Variants in OTOF observed in about 807,000 individuals in gnomAD.
OTOF encodes the protein otoferlin, also known as fer-1-like family member 2.
In OTOF, 218 loss-of-function variants were observed where a neutral mutation model predicts 236.8. The observed-to-expected ratio is 0.92, with a 90% CI of 0.82 to 1.03. OTOF has a LOEUF of 1.03. Among genes scored for constraint, OTOF ranks in the 50% least tolerant of loss-of-function variants. OTOF has a pLI of 0.00. For synonymous variants in OTOF, 1,041 were observed against 1,072.5 expected, an observed-to-expected ratio of 0.97 and a Z score of 0.57; for missense variants, 2,590 against 2,694.4, an observed-to-expected ratio of 0.96 and a Z score of 0.86.
At chr2:26,480,096 A>G (rs1665490208) in intron 16 of OTOF, 107 bp downstream of exon 16, 1 of 764,344 alleles carries the variant, frequency 1.3e-6, no homozygotes, top group Non-Finnish European at 2.4e-6. Flanking sequence ...GAGTGAGGAC[A>G]GGGCTGAGGT....
At position 26,493,536 on chromosome 2, in the gene OTOF, C is replaced by T. The variant is rs138123803; in HGVS notation, c.897+1406G>A. 1.6e-4 allele frequency among the ~76,000 whole-genome samples: 24 copies of T among 152,298 alleles called. No individual in the cohort carries two copies. The East Asian group carries it at 4.6e-3, about 29-fold the overall frequency. ...TGTGTGATCAGGCATCTGGGAAAGG[C>T]CTGGGCATCCTGGTGAGAAAACATT... On this transcript the variant is annotated intron_variant, in intron 9 of 46. Coordinates refer to ENST00000272371, the MANE Select transcript of OTOF (RefSeq NM_194248.3).
At chr2:26,536,020 G>A (rs967348770) in intron 2 of OTOF, among the ~76,000 whole-genome samples, 4 of 152,212 alleles carry the variant, frequency 2.6e-5, no homozygotes, top group Non-Finnish European at 5.9e-5. Context: ...GGAGTCAGAT[G>A]CTGTGCCTGG....
chr2:26,491,326 G>A (rs979369275), intron 9 of OTOF, among the ~76,000 whole-genome samples: 1 of 152,142 alleles, frequency 6.6e-6, no homozygotes, highest in African/African-American at 2.4e-5. Flanking sequence ...GGTGACTGGG[G>A]GGAGGAAGTG....
intron 8 of OTOF, among the ~76,000 whole-genome samples, chr2:26,498,564 A>C (rs1666044276): frequency 6.6e-6 from 1 of 152,210 alleles, no homozygotes; most frequent in South Asian, 2.1e-4. Context: ...TCCAGGGTGG[A>C]AGATGAAGAG....
At chr2:26,480,060 G>A (rs536782654) in intron 16 of OTOF, 143 bp downstream of exon 16, 1 of 687,874 alleles carries the variant, frequency 1.5e-6, no homozygotes, top group Non-Finnish European at 2.6e-6. Flanking sequence ...GGCCTCTCAG[G>A]GGAAAGGGGT....
At chr2:26,535,285 C>A (rs1667043098) in intron 2 of OTOF, among the ~76,000 whole-genome samples, 1 of 152,192 alleles carries the variant, frequency 6.6e-6, no homozygotes, top group South Asian at 2.1e-4. Flanking sequence ...CCGCTTCCAG[C>A]TCTGTCACCT....
chr2:26,467,320 T>C, intron 34 of OTOF, 45 bp downstream of exon 34: 1 of 1,613,532 alleles, frequency 6.2e-7, no homozygotes, highest in Non-Finnish European at 8.5e-7. Context: ...GCCCCCCTCT[T>C]CCCGCCCCCA....
In OTOF at chr2:26,487,790, G is replaced by A. The variant is rs539964718; in HGVS notation, c.1045+1421C>T. 5.9e-5 allele frequency among the ~76,000 whole-genome samples: 9 copies of A among 152,328 alleles called. No individual in the cohort carries two copies. The South Asian group carries it at 6.2e-4, about 11-fold the overall frequency. On this transcript the variant is annotated intron_variant, in intron 11 of 46. Transcript: ENST00000272371. ...CAGTCATTCCAAGCAAGTAGTCCACGGCTATGCATGCTTCCTGGAAAGCAA... is the reference window on the plus strand; with the variant it reads ...CAGTCATTCCAAGCAAGTAGTCCACAGCTATGCATGCTTCCTGGAAAGCAA...
At position 26,552,438 on chromosome 2, in the gene OTOF, G is replaced by A. The variant is rs73923720; in HGVS notation, c.79+6055C>T. Among the ~76,000 whole-genome samples, 1,416 of 152,198 alleles carry A rather than the reference G, an allele frequency of 9.3e-3. 19 individuals carry two copies. The highest frequency in any genetic ancestry group is 0.032 in the African/African-American group (1,330 of 41,516). On this transcript the variant is annotated intron_variant, in intron 1 of 46. Transcript: ENST00000272371. The stretch of plus-strand genomic sequence containing the variant: ...CGAGAGATGTGGCTTTCACATGATC[G>A]GTAAAAGTGGCTAAGATAACCAAGA...
intron 2 of OTOF, 25 bp from the exon 3 acceptor site, chr2:26,527,945 C>G: frequency 6.4e-7 from 1 of 1,571,992 alleles, no homozygotes; most frequent in East Asian, 2.2e-5. Flanking sequence ...ACAACTGCGG[C>G]TTCGGTGGCA....
chr2:26,480,259 G>A lies in OTOF; in HGVS notation c.1856C>T (p.Ala619Val). Reference protein sequence around the residue: ...EFFLFGAFLEASMIDRRNGDK... With the variant: ...EFFLFGAFLEVSMIDRRNGDK... ...TCCGTTTCTCCGGTCGATCATTGAG[G>A]CCTCCAGGAAGGCTCCAAAGAGAAA... The change falls in exon 16 of 47, where the codon GCC (alanine) becomes GTC (valine). Residue 619 changes from alanine (A) to valine (V), a missense_variant. This residue lies in a region of OTOF where 1,379 missense variants were observed against 1,341.6 expected (regional missense o/e 1.03). Coordinates refer to ENST00000272371, the MANE Select transcript of OTOF (RefSeq NM_194248.3). 6.2e-7 allele frequency: 1 copy of A among 1,613,028 alleles called. No individual in the cohort carries two copies. Among genetic ancestry groups the A allele is most frequent in the Non-Finnish European group, 8.5e-7 (1 of 1,179,622 alleles).
chr2:26,525,931 A>G (rs1458495960), intron 3 of OTOF, among the ~76,000 whole-genome samples: 1 of 152,052 alleles, frequency 6.6e-6, no homozygotes, highest in Non-Finnish European at 1.5e-5. Flanking sequence ...TACTAAAAAT[A>G]CAAAAATTAG....
At chr2:26,537,644 A>C in intron 2 of OTOF, 72 bp downstream of exon 2, 1 of 1,187,414 alleles carries the variant, frequency 8.4e-7, no homozygotes, top group Middle Eastern at 2.2e-4. Context: ...GTGTGCCCGC[A>C]AGAGGCAGCG....
chr2:26,493,967 C>CT (rs1665912283), intron 9 of OTOF, among the ~76,000 whole-genome samples: 1 of 152,184 alleles, frequency 6.6e-6, no homozygotes, highest in South Asian at 2.1e-4. Context: ...CTTCATGCCT[C>CT]TAAGTCATTC....
chr2:26,501,284 A>G (rs1044782823), intron 8 of OTOF, among the ~76,000 whole-genome samples: 1 of 152,248 alleles, frequency 6.6e-6, no homozygotes, highest in Non-Finnish European at 1.5e-5. Flanking sequence ...CAGAGAAGCA[A>G]AAAGAAGAAA....
rs373500730 is a variant in OTOF, at chr2:26,462,044, C to G, written c.5291+39G>C. ...CCTGCCCCCCGGGAAGCAAGCCCCACCCAGCTCAGTCCCTCCCATGCAGGG... is the reference window on the plus strand; with the variant it reads ...CCTGCCCCCCGGGAAGCAAGCCCCAGCCAGCTCAGTCCCTCCCATGCAGGG... On this transcript the variant is annotated intron_variant, in intron 42 of 46. Transcript: ENST00000272371. The surrounding 1 kb of genome is among the most constrained non-coding windows in gnomAD (Gnocchi z 4.7). 4.4e-6 allele frequency: 7 copies of G among 1,591,210 alleles called. No individual in the cohort carries two copies. The African/African-American group carries it at 9.4e-5, about 21-fold the overall frequency.
At chr2:26,479,434 G>T (rs1422658071) in intron 17 of OTOF, 39 bp downstream of exon 17, 1 of 1,606,554 alleles carries the variant, frequency 6.2e-7, no homozygotes, top group Admixed American at 1.7e-5. Context: ...CAGGGAGGTG[G>T]GAGGGCCAGG....
Position 26,483,453 on chromosome 2 carries a change from C to G in OTOF, c.1392+9G>C, listed in dbSNP as rs774778339. ...CAGCCCCAGCCTCCTGTACCTCATA[C>G]CCCAGTACCTTCTGGCCAGCAAAGA... On this transcript the variant is annotated intron_variant, in intron 13 of 46. Transcript: ENST00000272371. 3 of 1,613,204 alleles carry G rather than the reference C, an allele frequency of 1.9e-6. No individual in the cohort carries two copies. The highest frequency in any genetic ancestry group is 2.5e-6 in the Non-Finnish European group (3 of 1,179,664).
intron 9 of OTOF, among the ~76,000 whole-genome samples, chr2:26,491,729 A>G (rs1665845306): frequency 1.3e-5 from 2 of 152,212 alleles, no homozygotes; most frequent in African/African-American, 4.8e-5. Flanking sequence ...GTGAATGGCC[A>G]GCTTGTTCCG....
Sources: gnomAD v4.1 joint callset for allele counts (sites outside exome capture counted in the v4.1 genomes callset) on GRCh38, gnomAD v4.1.1 for gene constraint, gnomAD v4.1.1 regional missense constraint, Gnocchi (gnomAD v3.1) non-coding constraint, MANE v1.5 for transcripts, NCBI Gene and HGNC (gene_info 2026-07-23, HGNC 2026-07-21) for gene names.